The following PRR33 variants were observed in gnomAD, a reference collection of about 807,000 sequenced individuals.
PRR33 encodes proline rich 33, also known as proline-rich protein 33.
Under a neutral mutation model 0.5 loss-of-function variants are expected in PRR33, and 1 was observed. That is an observed-to-expected ratio of 2.18 (90% confidence interval 0.77 to 10.34). The LOEUF (loss-of-function observed/expected upper bound fraction) is 10.34, where lower values mean the gene tolerates loss of function less well. Ranked by LOEUF, PRR33 falls within the 30% of genes most tolerant of loss-of-function variation. The pLI, the probability that PRR33 is intolerant of heterozygous loss-of-function variation, is 0.13. For synonymous variants in PRR33, 226 were observed against 110.0 expected, an observed-to-expected ratio of 2.06 and a Z score of -6.60; for missense variants, 552 against 251.8, an observed-to-expected ratio of 2.19 and a Z score of -8.07.
chr11:1,890,114 G>A, exon 1 of PRR33: 1 of 717,052 alleles, frequency 1.4e-6, no homozygotes, highest in Non-Finnish European at 2.6e-6. Flanking sequence ...TAGGTTCTGG[G>A]GCCGAGGCTA....
At chr11:1,890,057 G>A (rs780826752) in exon 1 of PRR33, 1 of 709,010 alleles carries the variant, frequency 1.4e-6, no homozygotes, top group East Asian at 2.7e-5. Flanking sequence ...GGGTGACGTG[G>A]GTGCCCCCAC....
the PRR33 span, among the ~76,000 whole-genome samples, chr11:1,917,333 G>C: frequency 6.6e-6 from 1 of 152,210 alleles, no homozygotes; most frequent in South Asian, 2.1e-4. Context: ...GGGCCACCCA[G>C]GCAGGGAGCT....
chr11:1,903,211 C>T, the PRR33 span: 2 of 152,106 alleles, frequency 1.3e-5, no homozygotes, highest in African/African-American at 2.4e-5. Context: ...GCCTCAGACA[C>T]AGCCTCTGCC....
the PRR33 span, among the ~76,000 whole-genome samples, chr11:1,911,308 G>C: frequency 2.0e-5 from 3 of 152,084 alleles, no homozygotes; most frequent in African/African-American, 7.2e-5. Flanking sequence ...TGGGTGTGGT[G>C]GTGGGCGCCT....
chr11:1,910,571 C>A, the PRR33 span, among the ~76,000 whole-genome samples: 1 of 152,066 alleles, frequency 6.6e-6, no homozygotes, highest in Admixed American at 6.6e-5. Context: ...TTCAAGACAC[C>A]CTTTTAACTT....
chr11:1,909,674 G>C, the PRR33 span, among the ~76,000 whole-genome samples: 407 of 152,152 alleles, frequency 2.7e-3, no homozygotes, highest in African/African-American at 9.2e-3. Flanking sequence ...CAGCTACTCA[G>C]GAGGCTGAGA....
At chr11:1,909,899 A>C in the PRR33 span, among the ~76,000 whole-genome samples, 467 of 152,378 alleles carry the variant, frequency 3.1e-3, no homozygotes, top group Admixed American at 6.1e-3. Flanking sequence ...ACGTTTCATC[A>C]TAAGTGTGTG....
chr11:1,906,339 T>A, the PRR33 span, among the ~76,000 whole-genome samples: 1 of 152,188 alleles, frequency 6.6e-6, no homozygotes, highest in Non-Finnish European at 1.5e-5. Flanking sequence ...ACTCTTTGTT[T>A]TGTTATTTTA....
At chr11:1,901,332 G>C in the PRR33 span, among the ~76,000 whole-genome samples, 19 of 149,518 alleles carry the variant, frequency 1.3e-4, no homozygotes, top group African/African-American at 4.6e-4. Context: ...AAAAAGGCAA[G>C]ATGGAGTCAA....
the PRR33 span, among the ~76,000 whole-genome samples, chr11:1,917,592 C>T: frequency 6.6e-6 from 1 of 152,242 alleles, no homozygotes; most frequent in African/African-American, 2.4e-5. Flanking sequence ...TGCCTCCTCT[C>T]CTTGGACCAT....
At chr11:1,903,110 A>T in the PRR33 span, 6 of 152,116 alleles carry the variant, frequency 3.9e-5, no homozygotes, top group Admixed American at 3.9e-4. Flanking sequence ...CCAGTGACTT[A>T]GAATGCCTGA....
At chr11:1,901,619 T>A in the PRR33 span, among the ~76,000 whole-genome samples, 1 of 152,128 alleles carries the variant, frequency 6.6e-6, no homozygotes, top group South Asian at 2.1e-4. Flanking sequence ...AAAAGATAAC[T>A]CTTAGGTGAA....
At chr11:1,902,615 A>C in the PRR33 span, 1 of 151,866 alleles carries the variant, frequency 6.6e-6, no homozygotes, top group African/African-American at 2.4e-5. Context: ...CCCAGGCTGG[A>C]GTGCAGTGGT....
chr11:1,905,943 C>T, the PRR33 span, among the ~76,000 whole-genome samples: 4 of 151,760 alleles, frequency 2.6e-5, no homozygotes, highest in East Asian at 5.8e-4. Flanking sequence ...CTCAGCCTCC[C>T]GAGTAGCTGT....
At chr11:1,915,433 GGAT>G in the PRR33 span, among the ~76,000 whole-genome samples, 114 of 148,544 alleles carry the variant, frequency 7.7e-4, no homozygotes, top group African/African-American at 2.7e-3. Flanking sequence ...CACGCACCTG[GGAT>G]GATGTTTCTG....
chr11:1,893,682 GGATA>G (rs1010614656), upstream of PRR33, among the ~76,000 whole-genome samples: 80 of 151,488 alleles, frequency 5.3e-4, no homozygotes, highest in Middle Eastern at 3.4e-3. Flanking sequence ...TTGGATGGAT[GGATA>G]GATAGATAAT....
At chr11:1,907,103 G>A in the PRR33 span, among the ~76,000 whole-genome samples, 1 of 152,246 alleles carries the variant, frequency 6.6e-6, no homozygotes, top group Non-Finnish European at 1.5e-5. Flanking sequence ...GAGCCATTGT[G>A]TTGTGTATTT....
exon 1 of PRR33, chr11:1,891,107 C>T (rs1168718877): frequency 2.6e-5 from 4 of 156,390 alleles, no homozygotes; most frequent in Admixed American, 1.8e-4. Context: ...TGAGGGGTGG[C>T]GGCCAAGAGG....
the PRR33 span, among the ~76,000 whole-genome samples, chr11:1,909,817 G>A: frequency 1.8e-3 from 273 of 152,242 alleles, 7 homozygotes; most frequent in East Asian, 0.049. Flanking sequence ...GAAATACAAC[G>A]TGATGGCTTC....
Sources: allele counts gnomAD v4.1 joint callset (sites outside exome capture counted in the v4.1 genomes callset), GRCh38; gene constraint gnomAD v4.1.1; transcripts MANE v1.5; gene names NCBI Gene and HGNC (gene_info 2026-07-23, HGNC 2026-07-21).